Variants in CEBPZ observed in about 807,000 individuals in gnomAD.
The protein encoded by CEBPZ is CCAAT/enhancer-binding protein zeta.
In CEBPZ, 78 loss-of-function variants were observed where a neutral mutation model predicts 104.5. That is an observed-to-expected ratio of 0.75 (90% CI 0.62 to 0.90). CEBPZ has a LOEUF of 0.90. Among genes scored for constraint, CEBPZ ranks in the 40% least tolerant of loss-of-function variants. The pLI, the probability that CEBPZ is intolerant of heterozygous loss-of-function variation, is 0.00. For synonymous variants in CEBPZ, 470 were observed against 427.0 expected (o/e 1.10, Z -1.24); for missense variants, 1,439 against 1,233.5 (o/e 1.17, Z -2.50).
At chr2:37,221,305 G>C (rs1368801731) in intron 4 of CEBPZ, among the ~76,000 whole-genome samples, 1 of 152,070 alleles carries the variant, frequency 6.6e-6, no homozygotes, top group African/African-American at 2.4e-5. Context: ...GGGTGACATA[G>C]TGAGACCCTG....
intron 8 of CEBPZ, chr2:37,215,523 G>C (rs1374337372): frequency 1.3e-5 from 2 of 152,378 alleles, no homozygotes; most frequent in Admixed American, 6.5e-5. Flanking sequence ...CTGTGGGTAA[G>C]TCCTTTTACA....
chr2:37,201,942 T>G, intron 15 of CEBPZ, 39 bp from the exon 16 acceptor site: 1 of 1,581,506 alleles, frequency 6.3e-7, no homozygotes, highest in Non-Finnish European at 8.6e-7. Flanking sequence ...ACTACCACAC[T>G]GTAGACTCTT....
intron 2 of CEBPZ, among the ~76,000 whole-genome samples, chr2:37,226,199 TTGTCTC>T (rs1486569313): frequency 1.3e-5 from 2 of 151,958 alleles, no homozygotes; most frequent in Non-Finnish European, 2.9e-5. Flanking sequence ...TCTCTATACT[TTGTCTC>T]TGTGTCTTTT....
chr2:37,210,235 G>GA, intron 13 of CEBPZ: 1 of 152,300 alleles, frequency 6.6e-6, no homozygotes, highest in Admixed American at 6.5e-5. Flanking sequence ...TTAAAGAACT[G>GA]AAAGTAGAAC....
chr2:37,205,013 A>G (rs891551274), intron 13 of CEBPZ, among the ~76,000 whole-genome samples: 1 of 152,236 alleles, frequency 6.6e-6, no homozygotes, highest in Non-Finnish European at 1.5e-5. Context: ...AAAACTGCCT[A>G]TATCTCATCT....
intron 2 of CEBPZ, among the ~76,000 whole-genome samples, chr2:37,226,819 G>C (rs1234125577): frequency 6.6e-6 from 1 of 152,100 alleles, no homozygotes; most frequent in Non-Finnish European, 1.5e-5. Flanking sequence ...CTCTTAAACA[G>C]CTCCAAACTG....
chr2:37,220,289 C>G (rs1664739316), intron 5 of CEBPZ, 96 bp downstream of exon 5: 1 of 317,736 alleles, frequency 3.1e-6, no homozygotes, highest in African/African-American at 2.3e-5. Flanking sequence ...TGCACTCCAG[C>G]CTGGTGACAG....
At chr2:37,225,039 AAAACAAACAAACAAAC>A (rs66609313) in intron 2 of CEBPZ, among the ~76,000 whole-genome samples, 5 of 151,300 alleles carry the variant, frequency 3.3e-5, no homozygotes, top group South Asian at 2.1e-4. Context: ...ACCCCCCTTC[AAAACAAACAAACAAAC>A]AAACAAACAA....
Position 37,202,771 on chromosome 2 carries a change from T to A in CEBPZ, c.3025+13A>T, listed in dbSNP as rs1443373542. ...ATTTTTAAAACATCAATAAAAAAAT[T>A]TAAGTTACTTACTTGCATTATCTTT... On this transcript the variant is annotated intron_variant, in intron 15 of 15. Transcript: ENST00000234170. The A allele has an allele frequency of 2.0e-6, 3 of 1,510,396 alleles. No individual in the cohort carries two copies. In the African/African-American group the frequency reaches 4.3e-5, roughly 21 times the overall value. 93.6% of individuals were successfully genotyped at this position (1,510,396 alleles called of 1,614,324 possible). A position where few individuals can be genotyped will look rare whatever the true frequency, so the allele number is the denominator to read the frequency against.
intron 8 of CEBPZ, chr2:37,215,617 G>A (rs945395600): frequency 1.3e-5 from 2 of 152,714 alleles, no homozygotes; most frequent in African/African-American, 4.8e-5. Flanking sequence ...ACAAAAGGGA[G>A]ATGAGATCTG....
intron 13 of CEBPZ, chr2:37,209,504 T>C (rs779067931): frequency 6.6e-6 from 1 of 152,076 alleles, no homozygotes; most frequent in Non-Finnish European, 1.5e-5. Flanking sequence ...CTTACAACCA[T>C]CTGATCTTTG....
At chr2:37,215,412 GAAAT>G (rs1431655679) in intron 8 of CEBPZ, 1 of 152,402 alleles carries the variant, frequency 6.6e-6, no homozygotes, top group East Asian at 1.9e-4. Context: ...GGAAAACTAA[GAAAT>G]AAGGAACTAC....
intron 2 of CEBPZ, 102 bp downstream of exon 2, chr2:37,227,442 C>A (rs1664914296): frequency 1.5e-6 from 2 of 1,325,004 alleles, no homozygotes; most frequent in South Asian, 3.4e-5. Context: ...GGCCTAAAAC[C>A]AAATTTTCTA....
At chr2:37,206,970 C>T (rs1008229477) in intron 13 of CEBPZ, among the ~76,000 whole-genome samples, 5 of 152,048 alleles carry the variant, frequency 3.3e-5, no homozygotes, top group Non-Finnish European at 7.4e-5. Context: ...ATATTCCATG[C>T]AAATGGAAAC....
intron 1 of CEBPZ, among the ~76,000 whole-genome samples, chr2:37,229,996 T>C (rs1665005318): frequency 6.6e-6 from 1 of 152,196 alleles, no homozygotes; most frequent in African/African-American, 2.4e-5. Flanking sequence ...GCCTGGCTCA[T>C]TTCTACAAAT....
At chr2:37,220,922 A>C (rs1664755993) in intron 4 of CEBPZ, among the ~76,000 whole-genome samples, 1 of 152,154 alleles carries the variant, frequency 6.6e-6, no homozygotes, top group African/African-American at 2.4e-5. Context: ...ACTTGAGCCC[A>C]GGAGATGGGA....
chr2:37,203,075 A>T, intron 13 of CEBPZ, 67 bp from the exon 14 acceptor site: 1 of 1,077,450 alleles, frequency 9.3e-7, no homozygotes, highest in Non-Finnish European at 1.3e-6. Context: ...ATGCAATGCA[A>T]CATGATTTTA....
intron 15 of CEBPZ, 106 bp from the exon 16 acceptor site, chr2:37,202,009 G>C: frequency 9.8e-7 from 1 of 1,018,764 alleles, no homozygotes; most frequent in Non-Finnish European, 1.4e-6. Flanking sequence ...GCCTTGGCCT[G>C]TGGTTTCCCA....
chr2:37,224,746 T>G (rs887970416), intron 2 of CEBPZ, among the ~76,000 whole-genome samples: 12 of 152,220 alleles, frequency 7.9e-5, no homozygotes, highest in Non-Finnish European at 1.5e-4. Flanking sequence ...ATCATGTCAT[T>G]TCTTTTATCC....
Sources: allele counts gnomAD v4.1 joint callset (sites outside exome capture counted in the v4.1 genomes callset), GRCh38; gene constraint gnomAD v4.1.1; transcripts MANE v1.5; gene names NCBI Gene and HGNC (gene_info 2026-07-23, HGNC 2026-07-21).